PRRC2C: variants seen among roughly 807,000 people sequenced by gnomAD.
PRRC2C encodes protein PRRC2C.
PRRC2C carries 72 observed loss-of-function variants against 317.2 expected under a neutral mutation model. That is an observed-to-expected ratio of 0.23 (90% CI 0.19 to 0.28). The LOEUF (loss-of-function observed/expected upper bound fraction) is 0.28. PRRC2C is among the 10% of genes least tolerant of loss of function. The probability of loss-of-function intolerance (pLI) is 1.00; values close to 1 mark genes in which losing one functional copy is unlikely to be tolerated. For synonymous variants in PRRC2C, 1,296 were observed against 1,205.9 expected (o/e 1.07, Z -1.55); for missense variants, 3,074 against 3,459.7 (o/e 0.89, Z 2.80).
At chr1:171,535,889 A>G (rs895988205) in intron 13 of PRRC2C, 140 bp from the exon 14 acceptor site, 2 of 1,164,662 alleles carry the variant, frequency 1.7e-6, no homozygotes, top group South Asian at 1.5e-5. Context: ...TGTCTTGCCA[A>G]CTCTTAACTG....
intron 1 of PRRC2C, among the ~76,000 whole-genome samples, chr1:171,496,933 G>T (rs1668223209): frequency 6.6e-6 from 1 of 151,874 alleles, no homozygotes; most frequent in African/African-American, 2.4e-5. Context: ...TCCTGGTTGG[G>T]ACCACACGCA....
intron 34 of PRRC2C, 98 bp from the exon 35 acceptor site, chr1:171,591,489 A>T: frequency 6.8e-7 from 1 of 1,472,044 alleles, no homozygotes; most frequent in Non-Finnish European, 9.2e-7. Context: ...GTGTGGGGAA[A>T]ACTGATTTGT....
intron 1 of PRRC2C, among the ~76,000 whole-genome samples, chr1:171,505,992 A>G (rs1225281147): frequency 6.6e-6 from 1 of 152,202 alleles, no homozygotes; most frequent in Non-Finnish European, 1.5e-5. Context: ...CCTAGGAGCA[A>G]TAGACTATAC....
At chr1:171,529,745 T>C (rs983992383) in intron 11 of PRRC2C, among the ~76,000 whole-genome samples, 1 of 152,246 alleles carries the variant, frequency 6.6e-6, no homozygotes, top group Non-Finnish European at 1.5e-5. Flanking sequence ...CGTTACTCCT[T>C]GTTCAAGTCC....
Position 171,511,946 on chromosome 1 carries a change from T to C in PRRC2C, c.-57-86T>C. On this transcript the variant is annotated intron_variant, in intron 1 of 34. Coordinates refer to ENST00000647382, the MANE Select transcript of PRRC2C (RefSeq NM_001387844.1). ...AAAAGTTCTATGAAATTATCATTGA[T>C]ATGGGAAGTTTTTTCAGAATTTCTG... The C allele has an allele frequency of 5.8e-6, 3 of 515,544 alleles. No homozygotes were observed. In the South Asian group the frequency reaches 7.5e-5, roughly 13 times the overall value. 31.9% of individuals were successfully genotyped at this position (515,544 alleles called of 1,614,324 possible).
Position 171,524,614 on chromosome 1 carries a change from A to G in PRRC2C, c.1056-207A>G, listed in dbSNP as rs140433822. ...GGATATATGCCTGACATGTGTGTTT[A>G]GATTTGACAACTACTGTATTGCACT... On this transcript the variant is annotated intron_variant, in intron 9 of 34. Transcript: ENST00000647382. Among the ~76,000 whole-genome samples, 368 of 152,302 alleles carry G rather than the reference A, an allele frequency of 2.4e-3. 1 individual carries two copies. Among genetic ancestry groups the G allele is most frequent in the African/African-American group, 8.6e-3 (356 of 41,562 alleles).
At chr1:171,546,692 C>T (rs1020878257) in intron 17 of PRRC2C, among the ~76,000 whole-genome samples, 3 of 152,184 alleles carry the variant, frequency 2.0e-5, no homozygotes, top group African/African-American at 7.2e-5. Context: ...ATCTGCATCC[C>T]AGACGTCAAG....
chr1:171,574,875 A>G lies in PRRC2C; in HGVS notation c.6754-52A>G. On this transcript the variant is annotated intron_variant, in intron 24 of 34. Transcript: ENST00000647382. Reference sequence around the variant, plus strand: ...TACTGATACATGTATATACATACGTATATTCTGTATTAACATCATTTTTTT... The same window carrying G: ...TACTGATACATGTATATACATACGTGTATTCTGTATTAACATCATTTTTTT... 3.4e-6 allele frequency: 5 copies of G among 1,480,790 alleles called. No homozygotes were observed. In the South Asian group the frequency reaches 4.8e-5, roughly 14 times the overall value. 91.7% of individuals were successfully genotyped at this position (1,480,790 alleles called of 1,614,324 possible).
chr1:171,549,742 A>G (rs1048630354), intron 17 of PRRC2C, among the ~76,000 whole-genome samples: 1 of 152,070 alleles, frequency 6.6e-6, no homozygotes, highest in African/African-American at 2.4e-5. Context: ...TTGTATTTTT[A>G]GTAGAGACAG....
chr1:171,543,986 T>C (rs1432079896), intron 16 of PRRC2C, among the ~76,000 whole-genome samples: 1 of 152,196 alleles, frequency 6.6e-6, no homozygotes, highest in Admixed American at 6.5e-5. Flanking sequence ...ACCCATTCAT[T>C]AACCTGTTAA....
intron 10 of PRRC2C, 124 bp downstream of exon 10, chr1:171,525,089 A>AT: frequency 2.5e-6 from 2 of 814,488 alleles, no homozygotes; most frequent in South Asian, 3.8e-5. Context: ...GAAACTGTGT[A>AT]TTTTTTTCTT....
At chr1:171,548,714 T>G (rs1177166663) in intron 17 of PRRC2C, among the ~76,000 whole-genome samples, 1 of 152,318 alleles carries the variant, frequency 6.6e-6, no homozygotes, top group African/African-American at 2.4e-5. Flanking sequence ...AATTTTAAGA[T>G]AGCCAAAATA....
intron 1 of PRRC2C, among the ~76,000 whole-genome samples, chr1:171,499,620 A>G (rs534892914): frequency 2.0e-5 from 3 of 152,352 alleles, no homozygotes; most frequent in South Asian, 4.1e-4. Context: ...CCTGGCCAAC[A>G]TGGTGAAACC....
At chr1:171,567,247 A>T (rs1683838164) in intron 22 of PRRC2C, among the ~76,000 whole-genome samples, 1 of 152,210 alleles carries the variant, frequency 6.6e-6, no homozygotes, top group East Asian at 1.9e-4. Flanking sequence ...GTTTTTTTTC[A>T]TAGTTGGAAC....
chr1:171,549,650 CT>C (rs1679814325), intron 17 of PRRC2C, among the ~76,000 whole-genome samples: 1 of 152,182 alleles, frequency 6.6e-6, no homozygotes, highest in African/African-American at 2.4e-5. Context: ...CAACTTCCAC[CT>C]CCCAGGTTCA....
intron 26 of PRRC2C, 106 bp downstream of exon 26, chr1:171,577,743 G>T: frequency 1.4e-4 from 107 of 774,628 alleles, no homozygotes; most frequent in Non-Finnish European, 1.9e-4. Flanking sequence ...GGCTCTTAAA[G>T]TACATTGCTG....
chr1:171,515,327 G>A lies in PRRC2C; in HGVS notation c.401-407G>A, dbSNP rs142581736. Among the ~76,000 whole-genome samples, 619 of 152,200 alleles carry A rather than the reference G, an allele frequency of 4.1e-3. 1 individual carries two copies. The highest frequency in any genetic ancestry group is 0.014 in the African/African-American group (596 of 41,528). On this transcript the variant is annotated intron_variant, in intron 4 of 34. Coordinates refer to ENST00000647382, the MANE Select transcript of PRRC2C (RefSeq NM_001387844.1). ...AAATGAAGCAATAAATTAAATAAAG[G>A]CATTTTAGCCTCATCTTGATCTTGG... is the stretch of plus-strand genomic sequence containing the variant.
intron 3 of PRRC2C, 182 bp downstream of exon 3, chr1:171,513,354 TTTGTC>T: frequency 1.3e-6 from 1 of 742,604 alleles, no homozygotes; most frequent in Non-Finnish European, 2.3e-6. Flanking sequence ...AGTATTTCAA[TTTGTC>T]AGGGTAGAAC....
intron 28 of PRRC2C, 122 bp downstream of exon 28, chr1:171,580,086 A>G: frequency 3.8e-6 from 3 of 796,898 alleles, no homozygotes; most frequent in African/African-American, 1.8e-5. Context: ...TATAAACTAC[A>G]TTGGCTAATT....
Sources: allele counts gnomAD v4.1 joint callset (sites outside exome capture counted in the v4.1 genomes callset), GRCh38; gene constraint gnomAD v4.1.1; transcripts MANE v1.5; gene names NCBI Gene and HGNC (gene_info 2026-07-23, HGNC 2026-07-21).